The following GCFC2 variants were observed in gnomAD, a reference collection of about 807,000 sequenced individuals.
GCFC2 encodes the protein GC-rich sequence DNA-binding factor 2, also known as intron Large complex component GCFC2.
A neutral mutation model predicts 99.4 loss-of-function variants in GCFC2; 102 were observed. The observed-to-expected ratio is 1.03, with a 90% CI of 0.87 to 1.21. The LOEUF is 1.21. Among genes scored for constraint, GCFC2 ranks in the 50% most tolerant of loss-of-function variants. The pLI is 0.00. For missense variants in GCFC2, 973 were observed against 920.9 expected (o/e 1.06, Z -0.73); for synonymous variants, 338 against 316.8 (o/e 1.07, Z -0.71).
rs1348262679 is a variant in GCFC2 at position 75,663,495 on chromosome 2, C to T, written c.*1171G>A. ...ATCTGTTTCCTTCTTAGTCCTACCA[C>T]CAATGACAAAAAAACAAAATAGTAA... On this transcript the variant is annotated 3_prime_UTR_variant, in exon 17 of 17. Coordinates refer to ENST00000321027, the MANE Select transcript of GCFC2 (RefSeq NM_003203.5). The T allele has an allele frequency of 1.3e-5, 2 of 152,044 alleles. No individual in the cohort carries two copies. Among genetic ancestry groups the T allele is most frequent in the Non-Finnish European group, 2.9e-5 (2 of 68,004 alleles). The allele number at this position is 152,044 out of a possible 1,614,324, so 9.4% of individuals were successfully genotyped here.
At chr2:75,686,352 C>T (rs1203648467) in intron 11 of GCFC2, among the ~76,000 whole-genome samples, 2 of 152,106 alleles carry the variant, frequency 1.3e-5, no homozygotes, top group Non-Finnish European at 2.9e-5. Context: ...CCTTCTGCCT[C>T]GGCCTTGCAA....
rs1332753069 is a variant in GCFC2 at position 75,664,064 on chromosome 2, T to C, written c.*602A>G. Reference sequence around the variant, plus strand: ...GCCAACACAAAATACGCTATTAAAATAAGATTTTTACCTTTCAAATTTTCA... The same window carrying C: ...GCCAACACAAAATACGCTATTAAAACAAGATTTTTACCTTTCAAATTTTCA... On this transcript the variant is annotated 3_prime_UTR_variant, in exon 17 of 17. Coordinates refer to ENST00000321027, the MANE Select transcript of GCFC2 (RefSeq NM_003203.5). 1 of 152,174 alleles carries C rather than the reference T, an allele frequency of 6.6e-6. No individual in the cohort carries two copies. Among genetic ancestry groups the C allele is most frequent in the Non-Finnish European group, 1.5e-5 (1 of 68,018 alleles). 9.4% of individuals were successfully genotyped at this position (152,174 alleles called of 1,614,324 possible).
intron 12 of GCFC2, among the ~76,000 whole-genome samples, chr2:75,673,836 C>T (rs890120558): frequency 6.6e-6 from 1 of 152,068 alleles, no homozygotes; most frequent in Non-Finnish European, 1.5e-5. Flanking sequence ...TATGCATGGT[C>T]ATACATTTCT....
intron 16 of GCFC2, 137 bp downstream of exon 16, chr2:75,665,791 TA>T: frequency 2.0e-6 from 1 of 509,068 alleles, no homozygotes; most frequent in Non-Finnish European, 3.3e-6. Context: ...AAGGTAACCA[TA>T]AAAATATCTA....
intron 15 of GCFC2, among the ~76,000 whole-genome samples, chr2:75,668,380 A>G (rs1347596999): frequency 6.6e-6 from 1 of 152,120 alleles, no homozygotes; most frequent in Non-Finnish European, 1.5e-5. Flanking sequence ...AAAAAACCAA[A>G]TTGTAACTTT....
At chr2:75,691,839 G>T in intron 7 of GCFC2, 138 bp downstream of exon 7, 1 of 350,040 alleles carries the variant, frequency 2.9e-6, no homozygotes, top group Non-Finnish European at 5.0e-6. Flanking sequence ...TAAATGTTTT[G>T]AGTTTTTGGA....
At chr2:75,689,799 C>T (rs149982909) in intron 9 of GCFC2, among the ~76,000 whole-genome samples, 170 bp downstream of exon 9, 2,241 of 152,162 alleles carry the variant, frequency 0.015, 39 homozygotes, top group Admixed American at 0.064. Context: ...CTTCATTTTA[C>T]TCCATTTTTT....
At chr2:75,710,517 A>G in intron 1 of GCFC2, 74 bp downstream of exon 1, 1 of 1,415,810 alleles carries the variant, frequency 7.1e-7, no homozygotes, top group Non-Finnish European at 9.2e-7. Flanking sequence ...CCCCCAGAGA[A>G]GGATCCAGAG....
chr2:75,705,938 T>C (rs187737643), intron 2 of GCFC2, among the ~76,000 whole-genome samples: 181 of 152,316 alleles, frequency 1.2e-3, no homozygotes, highest in African/African-American at 4.3e-3. Context: ...AAGACTGTGA[T>C]TGTGTTTTAA....
intron 3 of GCFC2, 32 bp downstream of exon 3, chr2:75,702,167 A>G (rs758057106): frequency 1.8e-5 from 28 of 1,586,350 alleles, no homozygotes; most frequent in Non-Finnish European, 2.0e-5. Flanking sequence ...AATAAAAAAT[A>G]TCCTAATCTT....
Position 75,689,159 on chromosome 2 carries a change from T to C in GCFC2, c.1406A>G (p.Asn469Ser). 2.5e-6 allele frequency: 4 copies of C among 1,605,002 alleles called. No homozygotes were observed. The highest frequency in any genetic ancestry group is 3.4e-6 in the Non-Finnish European group (4 of 1,173,214). ...EVQDDFCNIQ[N>S]ILLKFQQWRE... is the part of the protein sequence containing the mutation. ...CCATTGCTGAAATTTCAACAAAATA[T>C]TCTGGATGTTACAAAAATCATCTTG... The change falls in exon 10 of 17, where the codon AAT becomes AGT. Residue 469 changes from asparagine (N) to serine (S), a missense_variant. By Grantham distance (46) the Asn-to-Ser change is conservative. Coordinates refer to ENST00000321027, the MANE Select transcript of GCFC2 (RefSeq NM_003203.5).
chr2:75,686,678 A>G (rs746002293), intron 11 of GCFC2, among the ~76,000 whole-genome samples: 6 of 152,196 alleles, frequency 3.9e-5, no homozygotes, highest in Non-Finnish European at 7.3e-5. Flanking sequence ...CAGGAATTCA[A>G]GACTGACTTG....
intron 13 of GCFC2, among the ~76,000 whole-genome samples, chr2:75,672,262 ATT>A (rs1040489480): frequency 8.0e-6 from 1 of 125,462 alleles, no homozygotes; most frequent in African/African-American, 3.0e-5. Flanking sequence ...TAAAATATAT[ATT>A]TATATATTTA....
chr2:75,690,487 T>C, intron 8 of GCFC2, 151 bp downstream of exon 8: 1 of 592,074 alleles, frequency 1.7e-6, no homozygotes, highest in South Asian at 2.1e-5. Context: ...CAGTCAAGGG[T>C]GGTTTTACTA....
chr2:75,668,317 T>C (rs910436883), intron 15 of GCFC2, among the ~76,000 whole-genome samples: 2 of 151,966 alleles, frequency 1.3e-5, no homozygotes, highest in Non-Finnish European at 2.9e-5. Flanking sequence ...GCATGGAGCT[T>C]AGAATGCATA....
In GCFC2 at chr2:75,702,239, T is replaced by TA. The variant is rs1209729461; in HGVS notation, c.578dup (p.Arg194LysfsTer6). 1.9e-6 allele frequency: 3 copies of TA among 1,610,700 alleles called. No individual in the cohort carries two copies. In the African/African-American group the frequency reaches 4.0e-5, roughly 22 times the overall value. On this transcript the variant is annotated frameshift_variant, in exon 3 of 17. Transcript: ENST00000321027. LOFTEE classifies it high-confidence loss of function. ...TCCTTTGTCTAAGTGTTTGAGGTCT[T>TA]AGAGTAAATGGTATTCTCTTTTCAT...
At chr2:75,701,562 T>C (rs920238139) in intron 3 of GCFC2, among the ~76,000 whole-genome samples, 2 of 152,196 alleles carry the variant, frequency 1.3e-5, no homozygotes, top group African/African-American at 4.8e-5. Flanking sequence ...ATCACTAAAC[T>C]GTCCCACTCA....
intron 1 of GCFC2, among the ~76,000 whole-genome samples, chr2:75,708,932 CT>C (rs1680991070): frequency 6.6e-6 from 1 of 152,144 alleles, no homozygotes; most frequent in South Asian, 2.1e-4. Context: ...CTGTCAGAGG[CT>C]GTATTTTCTT....
At chr2:75,691,086 CT>C (rs1178718931) in intron 7 of GCFC2, among the ~76,000 whole-genome samples, 2 of 152,288 alleles carry the variant, frequency 1.3e-5, no homozygotes, top group African/African-American at 2.4e-5. Flanking sequence ...GGAGTCCCCC[CT>C]AATCTGCAGG....
Sources: allele counts gnomAD v4.1 joint callset (sites outside exome capture counted in the v4.1 genomes callset), GRCh38; gene constraint gnomAD v4.1.1; transcripts MANE v1.5; gene names NCBI Gene and HGNC (gene_info 2026-07-23, HGNC 2026-07-21).